The following KLF17 variants were observed in gnomAD, a reference collection of about 807,000 sequenced individuals.
KLF17 encodes Krueppel-like factor 17.
In KLF17, 31 loss-of-function variants were observed where a neutral mutation model predicts 34.2. The ratio of observed to expected loss-of-function variants is 0.91; its 90% CI spans 0.68 to 1.22. The LOEUF is 1.22. KLF17 is among the 50% of genes most tolerant of loss of function. The pLI is 0.00. For missense variants in KLF17, 478 were observed against 505.2 expected, an observed-to-expected ratio of 0.95 and a Z score of 0.52; for synonymous variants, 179 against 186.7, an observed-to-expected ratio of 0.96 and a Z score of 0.34.
the KLF17 span, among the ~76,000 whole-genome samples, chr1:44,078,384 G>T: frequency 1.3e-5 from 2 of 151,552 alleles, no homozygotes; most frequent in South Asian, 2.1e-4. Context: ...TTGCTGGAGG[G>T]TCATTGCCAG....
intron 3 of KLF17, among the ~76,000 whole-genome samples, chr1:44,131,236 C>T (rs2088106306): frequency 6.6e-6 from 1 of 152,142 alleles, no homozygotes; most frequent in Non-Finnish European, 1.5e-5. Context: ...CTCCTCAAAC[C>T]CTGTCTCGGA....
chr1:44,059,886 C>T, the KLF17 span, among the ~76,000 whole-genome samples: 2 of 151,982 alleles, frequency 1.3e-5, no homozygotes, highest in South Asian at 4.1e-4. Context: ...TCTCCTGGAT[C>T]AGAACATACA....
the KLF17 span, among the ~76,000 whole-genome samples, chr1:44,080,323 C>G: frequency 6.6e-6 from 1 of 151,274 alleles, no homozygotes; most frequent in Admixed American, 6.6e-5. Flanking sequence ...ACTGCAAGCC[C>G]CGCCTCCCGG....
chr1:44,133,995 GTC>G lies in KLF17; in HGVS notation c.*762_*763del, dbSNP rs1264188616. ...TCTCGGGTTCACTGGGCCAGGGATGGTCTCTGTTCCCCAGCCCACCTGGCTCA... is the reference window on the plus strand; with the variant it reads ...TCTCGGGTTCACTGGGCCAGGGATGGTCTGTTCCCCAGCCCACCTGGCTCA... On this transcript the variant is annotated 3_prime_UTR_variant, in exon 4 of 4. Transcript: ENST00000372299. 2 of 152,216 alleles carry G rather than the reference GTC, an allele frequency of 1.3e-5. No individual in the cohort carries two copies. The highest frequency in any genetic ancestry group is 2.9e-5 in the Non-Finnish European group (2 of 68,054). The allele number at this position is 152,216 out of a possible 1,614,324, so 9.4% of individuals were successfully genotyped here.
At chr1:44,126,453 T>C (rs1395347601) in intron 1 of KLF17, among the ~76,000 whole-genome samples, 1 of 152,250 alleles carries the variant, frequency 6.6e-6, no homozygotes, top group Non-Finnish European at 1.5e-5. Context: ...AACTGCAATT[T>C]ACTTTCAAAG....
In KLF17 at chr1:44,129,939, C is replaced by T. The variant is rs1357163166; in HGVS notation, c.668C>T (p.Pro223Leu). 6.2e-7 allele frequency: 1 copy of T among 1,614,196 alleles called. No homozygotes were observed. The highest frequency in any genetic ancestry group is 1.1e-5 in the South Asian group (1 of 91,088). ...PPQDAHDLGM[P>L]PAESQSLLVL... ...CAAGATGCCCATGACCTTGGGATGC[C>T]CCCAGCTGAGTCCCAGTCATTGCTG... Residue 223 changes from proline to leucine, a missense_variant, in exon 2 of 4, where the codon CCC (proline) becomes CTC (leucine). Transcript: ENST00000372299.
At chr1:44,045,993 C>G in the KLF17 span, 1 of 152,028 alleles carries the variant, frequency 6.6e-6, no homozygotes, top group Non-Finnish European at 1.5e-5. Flanking sequence ...ATCATTGTCA[C>G]CCAGTCTTGG....
chr1:44,048,435 G>T, the KLF17 span: 1 of 152,156 alleles, frequency 6.6e-6, no homozygotes, highest in Non-Finnish European at 1.5e-5. Context: ...AAATAAAAGG[G>T]CTTTATGGGA....
At chr1:44,111,783 C>T in the KLF17 span, among the ~76,000 whole-genome samples, 1 of 152,170 alleles carries the variant, frequency 6.6e-6, no homozygotes, top group Admixed American at 6.5e-5. Flanking sequence ...GTCCCAGCTA[C>T]TCCGGAGGCT....
At chr1:44,118,792 T>G, upstream of KLF17, 1 of 769,486 alleles carries the variant, frequency 1.3e-6, no homozygotes, top group Non-Finnish European at 2.0e-6. Context: ...GGCGCAGCTG[T>G]AAATAGGTAA....
chr1:44,067,868 C>T, the KLF17 span, among the ~76,000 whole-genome samples: 1 of 151,918 alleles, frequency 6.6e-6, no homozygotes, highest in African/African-American at 2.4e-5. Context: ...TGGGACAGAG[C>T]AGGACAGGAG....
At chr1:44,093,499 A>G in the KLF17 span, among the ~76,000 whole-genome samples, 1 of 152,074 alleles carries the variant, frequency 6.6e-6, no homozygotes, top group Non-Finnish European at 1.5e-5. Context: ...GGTTCAAGCG[A>G]TTCTCCTGCC....
At chr1:44,048,260 T>TA in the KLF17 span, 1 of 152,182 alleles carries the variant, frequency 6.6e-6, no homozygotes, top group Non-Finnish European at 1.5e-5. Flanking sequence ...GCATAGCCAG[T>TA]AACTCTCCCA....
At chr1:44,108,183 G>C in the KLF17 span, among the ~76,000 whole-genome samples, 1 of 152,202 alleles carries the variant, frequency 6.6e-6, no homozygotes, top group African/African-American at 2.4e-5. Context: ...CTTGCTTAGA[G>C]ATTTCAGGTT....
intron 1 of KLF17, among the ~76,000 whole-genome samples, chr1:44,127,634 C>CTTTTCTTTTCTTTTCTTTCT (rs11401670): frequency 4.9e-5 from 2 of 41,000 alleles, no homozygotes; most frequent in African/African-American, 7.0e-5. Flanking sequence ...CTTTTCTTTT[C>CTTTTCTTTTCTTTTCTTTCT]TTTCCTTCTT....
the KLF17 span, among the ~76,000 whole-genome samples, chr1:44,112,547 G>A: frequency 6.6e-6 from 1 of 152,130 alleles, no homozygotes; most frequent in Non-Finnish European, 1.5e-5. Context: ...TAGGACTACA[G>A]GCACTTGCCA....
At chr1:44,098,029 C>T in the KLF17 span, among the ~76,000 whole-genome samples, 1 of 152,094 alleles carries the variant, frequency 6.6e-6, no homozygotes, top group African/African-American at 2.4e-5. Flanking sequence ...GGCTGGAGTG[C>T]AGTGGTGTGA....
chr1:44,067,327 A>G, the KLF17 span, among the ~76,000 whole-genome samples: 2 of 152,198 alleles, frequency 1.3e-5, no homozygotes. Context: ...ATCACAAGGT[A>G]TTAGGTACTA....
the KLF17 span, among the ~76,000 whole-genome samples, chr1:44,091,423 A>T: frequency 2.0e-5 from 3 of 152,054 alleles, no homozygotes; most frequent in Non-Finnish European, 2.9e-5. Context: ...TGAGAGCCTG[A>T]TGCAGGTGGA....
Sources: allele counts gnomAD v4.1 joint callset (sites outside exome capture counted in the v4.1 genomes callset), GRCh38; gene constraint gnomAD v4.1.1; transcripts MANE v1.5; gene names NCBI Gene and HGNC (gene_info 2026-07-23, HGNC 2026-07-21).